CHLSN: variants seen among roughly 807,000 people sequenced by gnomAD.
CHLSN encodes the protein cholesin, also known as protein cholesin.
chr7:1,010,282 C>A, the CHLSN span: 1 of 720,090 alleles, frequency 1.4e-6, no homozygotes. Flanking sequence ...TGGCCCCAGC[C>A]GACACCATCC....
chr7:1,023,866 G>A, the CHLSN span, among the ~76,000 whole-genome samples: 1 of 152,088 alleles, frequency 6.6e-6, no homozygotes, highest in African/African-American at 2.4e-5. The surrounding 1 kb of genome is among the most constrained non-coding windows in gnomAD (Gnocchi z 5.0). Flanking sequence ...TTTGATACAC[G>A]GTCTTGCTCT....
At chr7:1,092,814 C>A in the CHLSN span, 1 of 1,613,394 alleles carries the variant, frequency 6.2e-7, no homozygotes, top group South Asian at 1.1e-5. Flanking sequence ...TCATTCCAGA[C>A]AGCACCGAGC....
the CHLSN span, among the ~76,000 whole-genome samples, chr7:1,070,844 GTGCACACGGACA>G: frequency 2.3e-5 from 3 of 128,506 alleles, no homozygotes; most frequent in Non-Finnish European, 4.7e-5. Flanking sequence ...CACACAACGC[GTGCACACGGACA>G]TGCACACGGG....
chr7:1,000,978 C>CA, the CHLSN span, among the ~76,000 whole-genome samples: 1 of 152,192 alleles, frequency 6.6e-6, no homozygotes, highest in African/African-American at 2.4e-5. Flanking sequence ...CCCAGGCCCT[C>CA]ACAACAAGGG....
the CHLSN span, among the ~76,000 whole-genome samples, chr7:1,016,653 ACACAGCAGCG>A: frequency 0.24 from 18,234 of 77,476 alleles, 2,931 homozygotes; most frequent in Admixed American, 0.31. Context: ...GCACAGCAGC[ACACAGCAGCG>A]CACAGCAGCA....
the CHLSN span, among the ~76,000 whole-genome samples, chr7:1,008,047 G>T: frequency 1.3e-5 from 2 of 152,170 alleles, no homozygotes; most frequent in South Asian, 4.1e-4. Flanking sequence ...GGAGGAAGGC[G>T]GACAAACCCC....
the CHLSN span, among the ~76,000 whole-genome samples, chr7:1,027,950 C>T: frequency 6.6e-6 from 1 of 152,162 alleles, no homozygotes. Flanking sequence ...CTCGAGGGCT[C>T]GCAGTGCCTG....
the CHLSN span, chr7:1,058,412 G>A: frequency 1.3e-6 from 1 of 780,702 alleles, no homozygotes; most frequent in Non-Finnish European, 2.4e-6. Context: ...ACCGCTACAT[G>A]AACCAGAGCT....
At chr7:996,929 G>C in the CHLSN span, 1 of 152,360 alleles carries the variant, frequency 6.6e-6, no homozygotes, top group African/African-American at 2.4e-5. Context: ...GTCTCAGCCT[G>C]GCGTGCGCTG....
chr7:1,024,958 G>A, the CHLSN span: 1 of 152,302 alleles, frequency 6.6e-6, no homozygotes, highest in Non-Finnish European at 1.5e-5. Context: ...TGGGGGAGCA[G>A]GTGCGGGCTC....
the CHLSN span, among the ~76,000 whole-genome samples, chr7:1,060,527 AC>A: frequency 1.3e-5 from 2 of 152,086 alleles, no homozygotes; most frequent in Non-Finnish European, 2.9e-5. Context: ...GCAGCCATCG[AC>A]GTGGGGACGT....
chr7:994,734 C>T, the CHLSN span, among the ~76,000 whole-genome samples: 3 of 152,238 alleles, frequency 2.0e-5, no homozygotes, highest in African/African-American at 4.8e-5. Flanking sequence ...CCGCCGCACC[C>T]GGCATGAGTT....
chr7:1,070,744 A>G, the CHLSN span, among the ~76,000 whole-genome samples: 118 of 150,150 alleles, frequency 7.9e-4, 1 homozygote, highest in Non-Finnish European at 1.2e-4. Context: ...GCACATATGC[A>G]CACAACGCAC....
the CHLSN span, among the ~76,000 whole-genome samples, chr7:1,013,132 A>G: frequency 2.0e-5 from 3 of 151,646 alleles, no homozygotes; most frequent in African/African-American, 7.3e-5. Flanking sequence ...TGGCCTGCAC[A>G]GTGTCTGGCC....
the CHLSN span, among the ~76,000 whole-genome samples, chr7:1,051,772 G>A: frequency 6.6e-6 from 1 of 152,214 alleles, no homozygotes; most frequent in Non-Finnish European, 1.5e-5. Flanking sequence ...CCAGGAGTTT[G>A]AGACTAGCCT....
the CHLSN span, among the ~76,000 whole-genome samples, chr7:1,078,436 G>A: frequency 5.9e-5 from 9 of 152,246 alleles, no homozygotes; most frequent in African/African-American, 2.2e-4. Flanking sequence ...AGGGGGCCCC[G>A]TGAGACCTGG....
the CHLSN span, among the ~76,000 whole-genome samples, chr7:1,119,348 G>A: frequency 6.6e-6 from 1 of 152,224 alleles, no homozygotes; most frequent in African/African-American, 2.4e-5. Context: ...ACTTTGAGAG[G>A]CCAAGGCAGG....
At chr7:1,083,348 G>A in the CHLSN span, among the ~76,000 whole-genome samples, 1 of 152,210 alleles carries the variant, frequency 6.6e-6, no homozygotes, top group Admixed American at 6.5e-5. Flanking sequence ...GTGTGGGCCG[G>A]GCGCGGTGGC....
the CHLSN span, among the ~76,000 whole-genome samples, chr7:1,038,481 G>T: frequency 1.5e-3 from 135 of 87,652 alleles, no homozygotes; most frequent in African/African-American, 3.8e-3. Flanking sequence ...GGAGGGAGGT[G>T]GGGGGGTAAG....
Sources: allele counts gnomAD v4.1 joint callset (sites outside exome capture counted in the v4.1 genomes callset), GRCh38; gene constraint gnomAD v4.1.1; non-coding constraint Gnocchi (gnomAD v3.1); transcripts MANE v1.5; gene names NCBI Gene and HGNC (gene_info 2026-07-23, HGNC 2026-07-21).